SEC31B: variants seen among roughly 807,000 people sequenced by gnomAD.
The protein encoded by SEC31B is SEC31 homolog B, COPII component, also known as protein transport protein Sec31B.
Under a neutral mutation model 135.0 loss-of-function variants are expected in SEC31B, and 113 were observed. The observed-to-expected ratio is 0.84, with a 90% CI of 0.72 to 0.98. SEC31B has a LOEUF of 0.98. Among genes scored for constraint, SEC31B ranks in the 50% least tolerant of loss-of-function variants. The pLI is 0.00. For synonymous variants in SEC31B, 508 were observed against 549.4 expected, an observed-to-expected ratio of 0.92 and a Z score of 1.05; for missense variants, 1,296 against 1,421.1, an observed-to-expected ratio of 0.91 and a Z score of 1.42.
In SEC31B at chr10:100,490,301, A is replaced by G. The variant is rs1851276977; in HGVS notation, c.2672T>C (p.Leu891Ser). ...VRPASSQPQL[L>S]GGQRVQVPNP... ...AGGAACTTGCACCCTTTGCCCTCCT[A>G]ATAGCTGTGGCTGAGATGAAGCTGA... Residue 891 changes from leucine to serine, a missense_variant, in exon 21 of 26, where the codon TTA (leucine) becomes TCA (serine). Transcript: ENST00000370345. The G allele has an allele frequency of 6.2e-7, 1 of 1,613,472 alleles. No individual in the cohort carries two copies. Among genetic ancestry groups the G allele is most frequent in the South Asian group, 1.1e-5 (1 of 90,978 alleles).
intron 24 of SEC31B, 91 bp downstream of exon 24, chr10:100,488,767 G>T: frequency 6.9e-7 from 1 of 1,445,240 alleles, no homozygotes; most frequent in South Asian, 1.5e-5. Context: ...GCAGTGAGAA[G>T]AGAGTCACAC....
intron 22 of SEC31B, 149 bp downstream of exon 22, chr10:100,489,554 A>G: frequency 1.5e-6 from 2 of 1,368,818 alleles, no homozygotes; most frequent in South Asian, 1.3e-5. Context: ...AGAGGGAAAG[A>G]GAAAGAAGAG....
intron 19 of SEC31B, among the ~76,000 whole-genome samples, chr10:100,494,242 C>A (rs1851361785): frequency 6.6e-6 from 1 of 152,174 alleles, no homozygotes. Flanking sequence ...CACACACACA[C>A]CTCTCCAAAC....
rs756661925 is a variant in SEC31B at position 100,498,203 on chromosome 10, A to C, written c.1689T>G (p.Ile563Met). Residue 563 changes from isoleucine (I) to methionine (M), a missense_variant, in exon 15 of 26, where the codon ATT becomes ATG. Transcript: ENST00000370345. ...TPWEIPITKD[I>M]DGLLSQALLL... ...GGAGAGCCTGGCTTAGGAGTCCATCAATATCTGCAGGCAGAAGCATCCCCT... is the reference window on the plus strand; with the variant it reads ...GGAGAGCCTGGCTTAGGAGTCCATCCATATCTGCAGGCAGAAGCATCCCCT... 6 of 1,614,114 alleles carry C rather than the reference A, an allele frequency of 3.7e-6. No homozygotes were observed. Among genetic ancestry groups the C allele is most frequent in the Non-Finnish European group, 4.2e-6 (5 of 1,180,006 alleles).
chr10:100,496,998 A>T, intron 17 of SEC31B, 137 bp downstream of exon 17: 1 of 896,250 alleles, frequency 1.1e-6, no homozygotes. Context: ...CCAGACATTC[A>T]GGACCTTTCG....
At position 100,502,304 on chromosome 10, in the gene SEC31B, T is replaced by C; in HGVS notation, c.1360A>G (p.Ser454Gly). The part of the protein sequence containing the change: ...GNLLNYCQNK[S>G]QQALLQSEKM... ...TCACTTTGCAGTAAAGCTTGCTGGC[T>C]CTTGTTCTGACAGTAATTCAGTAGA... The change falls in exon 11 of 26, where the codon AGC becomes GGC. Residue 454 changes from serine to glycine, a missense_variant. By Grantham distance (56) the Ser-to-Gly change is moderately conservative (BLOSUM62 0). Coordinates refer to ENST00000370345, the MANE Select transcript of SEC31B (RefSeq NM_015490.4). The C allele has an allele frequency of 1.2e-6, 2 of 1,614,222 alleles. No individual in the cohort carries two copies. The highest frequency in any genetic ancestry group is 1.7e-6 in the Non-Finnish European group (2 of 1,180,032).
chr10:100,502,544 G>A (rs925900965), intron 10 of SEC31B, 60 bp from the exon 11 acceptor site: 2 of 1,140,262 alleles, frequency 1.8e-6, no homozygotes, highest in African/African-American at 3.1e-5. Context: ...GTAACACTAA[G>A]TCAGATTCAC....
At position 100,490,847 on chromosome 10, in the gene SEC31B, G is replaced by T. The variant is rs545834395; in HGVS notation, c.2509C>A (p.Pro837Thr). The change falls in exon 20 of 26, where the codon CCT becomes ACT. Residue 837 changes from proline to threonine, a missense_variant. Transcript: ENST00000370345. ...AAGGGCATCGCTGGTGATGACTGAG[G>T]GGTGAAAACCCTTGGCCTTGGAGAT... is the stretch of plus-strand genomic sequence containing the variant. The part of the protein sequence containing the change: ...TPSPRPRVFT[P>T]QSSPAMPLAP... The T allele has an allele frequency of 1.9e-6, 3 of 1,578,890 alleles. No homozygotes were observed. In the African/African-American group the frequency reaches 4.0e-5, roughly 21 times the overall value.
rs1021656618 is a variant in SEC31B, at chr10:100,487,476, C to G, written c.*140G>C. On this transcript the variant is annotated 3_prime_UTR_variant, in exon 26 of 26. Coordinates refer to ENST00000370345, the MANE Select transcript of SEC31B (RefSeq NM_015490.4). The stretch of plus-strand genomic sequence containing the variant: ...AGCAGGCACTCAGCTGGTTTGGAGC[C>G]AAGCCTACAGCATCACATACCTGGC... 1.5e-4 allele frequency: 122 copies of G among 818,710 alleles called. No individual in the cohort carries two copies. The highest frequency in any genetic ancestry group is 1.6e-4 in the Non-Finnish European group (85 of 528,654). 50.7% of individuals were successfully genotyped at this position (818,710 alleles called of 1,614,324 possible). A position where few individuals can be genotyped will look rare whatever the true frequency, so the allele number is the denominator to read the frequency against.
rs573603517 is a variant in SEC31B, at chr10:100,497,213, A to G, written c.2058T>C (p.Tyr686=). ...GCCGCTCCACACTCCCTGAGCACAC[A>G]TAACAGAGTCTGGCTTCGGAGGTTA... ...RALTSEARLC[Y]VCSGSVERLV... is the part of the protein sequence containing the mutation. Residue 686 remains tyrosine (Y), a synonymous_variant, in exon 17 of 26, where the codon TAT becomes TAC. Coordinates refer to ENST00000370345, the MANE Select transcript of SEC31B (RefSeq NM_015490.4). The G allele has an allele frequency of 7.4e-5, 120 of 1,614,232 alleles. No individual in the cohort carries two copies. Among genetic ancestry groups the G allele is most frequent in the South Asian group, 4.0e-4 (36 of 91,086 alleles).
chr10:100,489,897 C>A, intron 21 of SEC31B, 111 bp downstream of exon 21: 1 of 1,542,142 alleles, frequency 6.5e-7, no homozygotes. Flanking sequence ...TCCCAGCCAC[C>A]CTCCACCCAA....
intron 10 of SEC31B, among the ~76,000 whole-genome samples, chr10:100,503,251 T>C (rs1241762937): frequency 2.0e-5 from 3 of 152,150 alleles, no homozygotes; most frequent in Admixed American, 2.0e-4. Context: ...AACAGGACCT[T>C]AGAAAAACCC....
At chr10:100,514,666 A>T (rs1225870169) in intron 3 of SEC31B, among the ~76,000 whole-genome samples, 3 of 152,208 alleles carry the variant, frequency 2.0e-5, no homozygotes, top group Admixed American at 6.5e-5. Context: ...CTATGAAAAG[A>T]AAGAGGGTAC....
At chr10:100,506,765 G>C (rs780255470) in intron 7 of SEC31B, among the ~76,000 whole-genome samples, 2 of 152,106 alleles carry the variant, frequency 1.3e-5, no homozygotes, top group Non-Finnish European at 2.9e-5. Flanking sequence ...ATCACTATGG[G>C]TGCTTTTAGC....
intron 10 of SEC31B, among the ~76,000 whole-genome samples, chr10:100,503,382 C>T (rs1019010507): frequency 6.6e-6 from 1 of 151,878 alleles, no homozygotes; most frequent in African/African-American, 2.4e-5. Context: ...GACTAGGCAT[C>T]AGTATTTTTT....
At chr10:100,500,940 C>T (rs1851510123) in intron 11 of SEC31B, among the ~76,000 whole-genome samples, 1 of 151,984 alleles carries the variant, frequency 6.6e-6, no homozygotes, top group African/African-American at 2.4e-5. Context: ...GGCGCGGTGG[C>T]TCACGCCTAT....
intron 2 of SEC31B, among the ~76,000 whole-genome samples, chr10:100,516,491 C>CA (rs1158698736): frequency 2.0e-5 from 3 of 151,344 alleles, no homozygotes; most frequent in Non-Finnish European, 4.4e-5. Flanking sequence ...ACTAAAACTA[C>CA]AAAAAAAATT....
intron 19 of SEC31B, among the ~76,000 whole-genome samples, chr10:100,494,054 G>A (rs1185886141): frequency 6.6e-6 from 1 of 151,886 alleles, no homozygotes; most frequent in East Asian, 1.9e-4. Flanking sequence ...AATTAGGGTG[G>A]GGATTGAAGG....
In SEC31B at chr10:100,496,379, C is replaced by A; in HGVS notation, c.2189G>T (p.Gly730Val). 1.2e-6 allele frequency: 2 copies of A among 1,614,170 alleles called. No homozygotes were observed. Among genetic ancestry groups the A allele is most frequent in the Non-Finnish European group, 1.7e-6 (2 of 1,180,016 alleles). ...AGGGCCTGGGCTCACCCCATGAGGA[C>A]CCCGCAGTTGCTCCAAGCTCCTGTT... ...VLNRSLEQLR[G>V]PHGVSPGPAT... The change falls in exon 18 of 26, where the codon GGT becomes GTT. Residue 730 changes from glycine to valine, a missense_variant. By Grantham distance (109) the Gly-to-Val change is moderately radical. Transcript: ENST00000370345.
Sources: gnomAD v4.1 joint callset for allele counts (sites outside exome capture counted in the v4.1 genomes callset) on GRCh38, gnomAD v4.1.1 for gene constraint, MANE v1.5 for transcripts, NCBI Gene and HGNC (gene_info 2026-07-23, HGNC 2026-07-21) for gene names.